The following DCDC2C variants were observed in gnomAD, a reference collection of about 807,000 sequenced individuals.
DCDC2C encodes doublecortin domain containing 2C.
In DCDC2C, 44 loss-of-function variants were observed where a neutral mutation model predicts 45.0. That is an observed-to-expected ratio of 0.98 (90% CI 0.77 to 1.26). DCDC2C has a LOEUF of 1.26. Ranked by LOEUF, DCDC2C falls within the 50% of genes most tolerant of loss-of-function variation. The pLI, the probability that DCDC2C is intolerant of heterozygous loss-of-function variation, is 0.00. For synonymous variants in DCDC2C, 187 were observed against 178.8 expected (o/e 1.05, Z -0.37); for missense variants, 447 against 468.9 (o/e 0.95, Z 0.43).
At chr2:3,823,852 T>C in intron 10 of DCDC2C, among the ~76,000 whole-genome samples, 1 of 152,244 alleles carries the variant, frequency 6.6e-6, no homozygotes, top group Non-Finnish European at 1.5e-5. Flanking sequence ...TACTGCATGG[T>C]GTTCACCTTT....
chr2:3,836,653 G>C (rs1672082137), intron 10 of DCDC2C, among the ~76,000 whole-genome samples: 1 of 152,114 alleles, frequency 6.6e-6, no homozygotes, highest in African/African-American at 2.4e-5. Context: ...ACAAGGTCAG[G>C]AGATTGAGAA....
At chr2:3,709,282 T>C (rs1372216657) in intron 2 of DCDC2C, among the ~76,000 whole-genome samples, 1 of 152,178 alleles carries the variant, frequency 6.6e-6, no homozygotes, top group Non-Finnish European at 1.5e-5. Context: ...TCCTCACCTG[T>C]AAAATGGAGA....
In DCDC2C at chr2:3,839,888, G is replaced by A. The variant is rs372238499; in HGVS notation, c.1066-7266G>A. On this transcript the variant is annotated intron_variant, in intron 10 of 10. Coordinates refer to ENST00000399143, the MANE Select transcript of DCDC2C (RefSeq NM_001287444.2). Reference sequence around the variant, plus strand: ...AGAAGATATCTATGTTAATTATGCCGATAGAAACTTTGACACACAGATACA... The same window carrying A: ...AGAAGATATCTATGTTAATTATGCCAATAGAAACTTTGACACACAGATACA... Among the ~76,000 whole-genome samples, 30 of 152,298 alleles carry A rather than the reference G, an allele frequency of 2.0e-4. No homozygotes were observed. The South Asian group carries it at 5.6e-3, about 28-fold the overall frequency.
chr2:3,733,766 C>T (rs1668942604), intron 3 of DCDC2C, among the ~76,000 whole-genome samples: 2 of 152,170 alleles, frequency 1.3e-5, no homozygotes, highest in East Asian at 3.9e-4. Flanking sequence ...TTAAAGGCCT[C>T]ACCTCTTAAT....
Position 3,847,246 on chromosome 2 carries a change from A to T in DCDC2C, c.*63A>T, listed in dbSNP as rs1350552780. On this transcript the variant is annotated 3_prime_UTR_variant, in exon 11 of 11. Coordinates refer to ENST00000399143, the MANE Select transcript of DCDC2C (RefSeq NM_001287444.2). ...TTCAACCATGGGGCTTCCACGTCAC[A>T]TATGGACATTTTAACAGCAAGAAAA... The T allele has an allele frequency of 9.0e-7, 1 of 1,110,846 alleles. No homozygotes were observed. Among genetic ancestry groups the T allele is most frequent in the Admixed American group, 4.2e-5 (1 of 23,554 alleles). 68.8% of individuals were successfully genotyped at this position (1,110,846 alleles called of 1,614,324 possible). A position where few individuals can be genotyped will look rare whatever the true frequency, so the allele number is the denominator to read the frequency against.
intron 10 of DCDC2C, among the ~76,000 whole-genome samples, chr2:3,808,599 C>T (rs1671314668): frequency 6.6e-6 from 1 of 152,158 alleles, no homozygotes; most frequent in Non-Finnish European, 1.5e-5. Context: ...ACCGTGTTGG[C>T]CAGGATGGTC....
At chr2:3,837,272 T>C (rs1299851168) in intron 10 of DCDC2C, among the ~76,000 whole-genome samples, 1 of 152,066 alleles carries the variant, frequency 6.6e-6, no homozygotes, top group Non-Finnish European at 1.5e-5. Context: ...ATCAATCGAG[T>C]TGAATTTTGC....
intron 3 of DCDC2C, among the ~76,000 whole-genome samples, chr2:3,735,166 C>G (rs1439167751): frequency 6.6e-6 from 1 of 152,144 alleles, no homozygotes; most frequent in African/African-American, 2.4e-5. Flanking sequence ...ACTCCACGGT[C>G]CTTTTTGCTA....
At chr2:3,840,878 T>A (rs183750273) in intron 10 of DCDC2C, among the ~76,000 whole-genome samples, 1 of 152,130 alleles carries the variant, frequency 6.6e-6, no homozygotes, top group African/African-American at 2.4e-5. Flanking sequence ...CTAGTAGGGG[T>A]GTCACCAAGC....
intron 10 of DCDC2C, among the ~76,000 whole-genome samples, chr2:3,812,782 T>C (rs562221726): frequency 1.3e-5 from 2 of 152,244 alleles, no homozygotes; most frequent in Admixed American, 6.5e-5. Context: ...CATTTCCTCT[T>C]TGTTCTCATT....
intron 10 of DCDC2C, among the ~76,000 whole-genome samples, chr2:3,823,754 AT>A (rs1200804013): frequency 1.3e-5 from 2 of 152,010 alleles, no homozygotes; most frequent in Non-Finnish European, 2.9e-5. Flanking sequence ...TCAAGTGAGA[AT>A]TTTCATCTTT....
intron 10 of DCDC2C, among the ~76,000 whole-genome samples, chr2:3,817,941 G>A (rs575579691): frequency 6.6e-5 from 10 of 152,258 alleles, no homozygotes; most frequent in Admixed American, 5.9e-4. Flanking sequence ...GAAAGGAGTT[G>A]CTGTTTTGTA....
chr2:3,774,981 T>C (rs1345383524), intron 8 of DCDC2C, among the ~76,000 whole-genome samples: 1 of 152,158 alleles, frequency 6.6e-6, no homozygotes, highest in Admixed American at 6.5e-5. Flanking sequence ...GTCAGGCTGG[T>C]TTTGAACTCT....
chr2:3,740,554 T>C (rs1669173701), intron 3 of DCDC2C, among the ~76,000 whole-genome samples: 2 of 152,250 alleles, frequency 1.3e-5, no homozygotes, highest in Non-Finnish European at 1.5e-5. Flanking sequence ...CTATTAGTAA[T>C]CTATATTTAG....
At chr2:3,833,772 G>A (rs1672006696) in intron 10 of DCDC2C, among the ~76,000 whole-genome samples, 1 of 152,174 alleles carries the variant, frequency 6.6e-6, no homozygotes, top group African/African-American at 2.4e-5. Flanking sequence ...GTATATTGAA[G>A]GTTTTAATAA....
chr2:3,784,803 A>G (rs910454101), intron 9 of DCDC2C, among the ~76,000 whole-genome samples: 6 of 152,226 alleles, frequency 3.9e-5, no homozygotes, highest in Non-Finnish European at 7.3e-5. Context: ...CGCCTTTTGC[A>G]TAAGAATGAT....
chr2:3,757,456 G>A (rs975105577), intron 6 of DCDC2C, among the ~76,000 whole-genome samples: 2 of 152,030 alleles, frequency 1.3e-5, no homozygotes, highest in Admixed American at 6.6e-5. Context: ...TTTTAAATTT[G>A]CAAGCTTAAA....
intron 3 of DCDC2C, among the ~76,000 whole-genome samples, chr2:3,740,449 T>C (rs1199905131): frequency 6.6e-6 from 1 of 152,240 alleles, no homozygotes; most frequent in African/African-American, 2.4e-5. Flanking sequence ...GGTGTGCCTG[T>C]TTCTCAATAC....
chr2:3,833,068 A>G (rs1489421434), intron 10 of DCDC2C, among the ~76,000 whole-genome samples: 1 of 152,120 alleles, frequency 6.6e-6, no homozygotes, highest in Admixed American at 6.5e-5. Flanking sequence ...GGCCATCCAC[A>G]TCCTTTGGCT....
Sources: allele counts gnomAD v4.1 joint callset (sites outside exome capture counted in the v4.1 genomes callset), GRCh38; gene constraint gnomAD v4.1.1; transcripts MANE v1.5; gene names NCBI Gene and HGNC (gene_info 2026-07-23, HGNC 2026-07-21).